PRR14L: variants seen among roughly 807,000 people sequenced by gnomAD.
PRR14L encodes protein PRR14L.
In PRR14L, 80 loss-of-function variants were observed where a neutral mutation model predicts 155.0. That is an observed-to-expected ratio of 0.52 (90% confidence interval 0.43 to 0.62). The LOEUF (loss-of-function observed/expected upper bound fraction) is 0.62. Ranked by LOEUF, PRR14L falls within the 20% of genes least tolerant of loss-of-function variation. The pLI, the probability that PRR14L is intolerant of heterozygous loss-of-function variation, is 0.00. For missense variants in PRR14L, 2,469 were observed against 2,548.0 expected, an observed-to-expected ratio of 0.97 and a Z score of 0.67; for synonymous variants, 883 against 916.0, an observed-to-expected ratio of 0.96 and a Z score of 0.65.
intron 1 of PRR14L, among the ~76,000 whole-genome samples, chr22:31,741,122 G>A (rs929017689): frequency 4.6e-5 from 7 of 151,868 alleles, no homozygotes; most frequent in Non-Finnish European, 1.0e-4. Flanking sequence ...GCATGATGGC[G>A]CGCGCCTGTG....
At position 31,716,776 on chromosome 22, in the gene PRR14L, T is replaced by C. The variant is rs753451778; in HGVS notation, c.1063A>G (p.Arg355Gly). The C allele has an allele frequency of 5.8e-6, 9 of 1,551,748 alleles. No individual in the cohort carries two copies. The South Asian group carries it at 9.5e-5, about 16-fold the overall frequency. The change falls in exon 4 of 9, where the codon AGA becomes GGA. Residue 355 changes from arginine (R) to glycine (G), a missense_variant. Arg to Gly is a moderately radical substitution (Grantham distance 125). Transcript: ENST00000327423. ...CCACAGTTTTCTAAGGATATTGTTCTGGATTCTGGACCAGACAAGTCTGAT... is the reference window on the plus strand; with the variant it reads ...CCACAGTTTTCTAAGGATATTGTTCCGGATTCTGGACCAGACAAGTCTGAT... ...FTSDLSGPESRTISLENCGFE... is the reference protein window; with the variant it reads ...FTSDLSGPESGTISLENCGFE...
intron 7 of PRR14L, among the ~76,000 whole-genome samples, chr22:31,693,740 G>C (rs563878168): frequency 1.3e-5 from 2 of 152,224 alleles, no homozygotes; most frequent in Admixed American, 6.5e-5. Flanking sequence ...TCTCTCCCTT[G>C]ATCATATTTT....
chr22:31,741,209 C>T (rs1427150770), intron 1 of PRR14L, among the ~76,000 whole-genome samples: 5 of 143,092 alleles, frequency 3.5e-5, no homozygotes, highest in East Asian at 2.1e-4. Context: ...GCCGAGATTG[C>T]GCCACTGCAC....
At chr22:31,725,478 G>A (rs760593696) in intron 3 of PRR14L, 60 bp downstream of exon 3, 36 of 1,122,736 alleles carry the variant, frequency 3.2e-5, no homozygotes, top group South Asian at 4.0e-5. Context: ...AAATGGAAGC[G>A]GAACTAAAAC....
At chr22:31,704,608 C>G in intron 5 of PRR14L, 47 bp downstream of exon 5, 1 of 1,500,402 alleles carries the variant, frequency 6.7e-7, no homozygotes, top group South Asian at 1.1e-5. Flanking sequence ...CTCTCTTGCA[C>G]ACACACACGC....
intron 2 of PRR14L, among the ~76,000 whole-genome samples, chr22:31,733,475 CT>C (rs1236904372): frequency 6.6e-6 from 1 of 150,720 alleles, no homozygotes; most frequent in Non-Finnish European, 1.5e-5. Flanking sequence ...CAGCTGATTT[CT>C]GTATTTTTAG....
At chr22:31,707,664 C>T (rs934986251) in intron 4 of PRR14L, among the ~76,000 whole-genome samples, 3 of 151,974 alleles carry the variant, frequency 2.0e-5, no homozygotes, top group Non-Finnish European at 2.9e-5. Context: ...GGATTACAGG[C>T]GTGAGCCACT....
intron 3 of PRR14L, among the ~76,000 whole-genome samples, chr22:31,723,359 T>A (rs1483239400): frequency 6.6e-6 from 1 of 152,160 alleles, no homozygotes; most frequent in Non-Finnish European, 1.5e-5. Context: ...ACCAGCTTCT[T>A]AGGTGGAGAG....
rs991682772 is a variant in PRR14L, at chr22:31,704,597, T to G, written c.5828+58A>C. On this transcript the variant is annotated intron_variant, in intron 5 of 8. Transcript: ENST00000327423. ...ATCCACACCACCTATGTATGCACTC[T>G]CTCTCTTGCACACACACACGCACAC... is the stretch of plus-strand genomic sequence containing the variant. 2.8e-6 allele frequency: 4 copies of G among 1,418,646 alleles called. No individual in the cohort carries two copies. The East Asian group carries it at 9.2e-5, about 33-fold the overall frequency. 87.9% of individuals were successfully genotyped at this position (1,418,646 alleles called of 1,614,324 possible).
At position 31,713,472 on chromosome 22, in the gene PRR14L, C is replaced by T. The variant is rs2074635684; in HGVS notation, c.4367G>A (p.Ser1456Asn). Residue 1456 changes from serine (S) to asparagine (N), a missense_variant, in exon 4 of 9, where the codon AGC (serine) becomes AAC (asparagine). Around this residue, in one of 2 missense-constraint regions of PRR14L, gnomAD observed 2,363 missense variants for 2,371.6 expected, o/e 1.00. Coordinates refer to ENST00000327423, the MANE Select transcript of PRR14L (RefSeq NM_173566.3). The part of the protein sequence containing the change: ...EITLAKLAKD[S>N]IVAQTQKLED... ...TAACTTCTGAGTCTGTGCCACAATGCTGTCCTTGGCCAGCTTTGCTAGGGT... is the reference window on the plus strand; with the variant it reads ...TAACTTCTGAGTCTGTGCCACAATGTTGTCCTTGGCCAGCTTTGCTAGGGT... 4 of 1,552,054 alleles carry T rather than the reference C, an allele frequency of 2.6e-6. No homozygotes were observed. In the South Asian group the frequency reaches 3.6e-5, roughly 14 times the overall value.
intron 6 of PRR14L, among the ~76,000 whole-genome samples, chr22:31,702,030 G>C (rs140067018): frequency 9.6e-4 from 146 of 152,144 alleles, no homozygotes; most frequent in Non-Finnish European, 2.0e-3. Flanking sequence ...GAACTCTTGG[G>C]CTCAACTGAT....
chr22:31,682,274 G>A lies in PRR14L; in HGVS notation c.*3253C>T, dbSNP rs2147848168. On this transcript the variant is annotated 3_prime_UTR_variant, in exon 9 of 9. Coordinates refer to ENST00000327423, the MANE Select transcript of PRR14L (RefSeq NM_173566.3). ...GGTTGGCTCTGGAGCCCGTGCCAAA[G>A]ACCCTTTCAGGCAAAATTGTGACAA... The A allele has an allele frequency of 6.6e-6, 1 of 152,294 alleles. No homozygotes were observed. The highest frequency in any genetic ancestry group is 2.1e-4 in the South Asian group (1 of 4,822). The allele number at this position is 152,294 out of a possible 1,614,324, so 9.4% of individuals were successfully genotyped here.
Position 31,713,718 on chromosome 22 carries a change from T to C in PRR14L, c.4121A>G (p.Gln1374Arg). ...GDGDPVSNIS[Q>R]THFKCRGILN... ...TATCCCCCGGCATTTAAAATGGGTC[T>C]GAGAGATGTTGCTCACGGGATCGCC... is the stretch of plus-strand genomic sequence containing the variant. The change falls in exon 4 of 9, where the codon CAG becomes CGG. Residue 1374 changes from glutamine to arginine, a missense_variant. Transcript: ENST00000327423. 1 of 1,552,392 alleles carries C rather than the reference T, an allele frequency of 6.4e-7. No homozygotes were observed. Among genetic ancestry groups the C allele is most frequent in the South Asian group, 1.2e-5 (1 of 84,064 alleles).
chr22:31,732,312 C>T (rs1203467177), intron 2 of PRR14L, among the ~76,000 whole-genome samples: 1 of 152,224 alleles, frequency 6.6e-6, no homozygotes, highest in Non-Finnish European at 1.5e-5. Flanking sequence ...CCTGCAGGGT[C>T]AGCCTTAGCT....
chr22:31,716,296 A>C lies in PRR14L; in HGVS notation c.1543T>G (p.Leu515Val). The change falls in exon 4 of 9, where the codon TTG (leucine) becomes GTG (valine). Residue 515 changes from leucine (L) to valine (V), a missense_variant. By Grantham distance (32) the Leu-to-Val change is conservative. Transcript: ENST00000327423. ...TGTCCTGCCTCTTCAATCTGCATCAAGGAGGAAAAACTGCTTTCTTCAGAG... is the reference window on the plus strand; with the variant it reads ...TGTCCTGCCTCTTCAATCTGCATCACGGAGGAAAAACTGCTTTCTTCAGAG... ...GHSEESSFSS[L>V]MQIEEAGQTT... The C allele has an allele frequency of 6.4e-7, 1 of 1,551,678 alleles. No individual in the cohort carries two copies. The highest frequency in any genetic ancestry group is 8.7e-7 in the Non-Finnish European group (1 of 1,146,976).
intron 1 of PRR14L, among the ~76,000 whole-genome samples, chr22:31,747,134 G>C (rs374430957): frequency 1.9e-4 from 26 of 138,382 alleles, no homozygotes; most frequent in African/African-American, 6.8e-4. Flanking sequence ...TTTTGAGACA[G>C]AGTTTCACTC....
chr22:31,685,465 AAC>A lies in PRR14L; in HGVS notation c.*60_*61del, dbSNP rs1254971094. ...CAAGGAGGTCCAAAAAAAAAAAAAA[AAC>A]CCAAAAACAAAACAAAACAAAAAAA... On this transcript the variant is annotated 3_prime_UTR_variant, in exon 9 of 9. Transcript: ENST00000327423. The A allele has an allele frequency of 6.9e-5, 95 of 1,378,994 alleles. No homozygotes were observed. The African/African-American group carries it at 1.3e-3, about 19-fold the overall frequency. 85.4% of individuals were successfully genotyped at this position (1,378,994 alleles called of 1,614,324 possible).
Position 31,715,203 on chromosome 22 carries a change from C to G in PRR14L, c.2636G>C (p.Gly879Ala), listed in dbSNP as rs1250191230. The G allele has an allele frequency of 3.2e-6, 5 of 1,552,206 alleles. No individual in the cohort carries two copies. In the South Asian group the frequency reaches 4.8e-5, roughly 15 times the overall value. The stretch of plus-strand genomic sequence containing the variant: ...GTTTGAAATTCCACTATTTAACAAG[C>G]CTGCTACCATTTTGTTTCTGATCTT... Reference protein sequence around the residue: ...GDKIRNKMVAGLLNSGISNKT... With the variant: ...GDKIRNKMVAALLNSGISNKT... Residue 879 changes from glycine to alanine, a missense_variant, in exon 4 of 9, where the codon GGC becomes GCC. This residue lies in a region of PRR14L where 2,363 missense variants were observed against 2,371.6 expected (regional missense o/e 1.00). Coordinates refer to ENST00000327423, the MANE Select transcript of PRR14L (RefSeq NM_173566.3).
intron 3 of PRR14L, 107 bp from the exon 4 acceptor site, chr22:31,717,398 A>T (rs2074666383): frequency 2.3e-6 from 2 of 873,208 alleles, no homozygotes; most frequent in African/African-American, 3.4e-5. Flanking sequence ...AGAAGACCCA[A>T]CTCAAAAAGA....
Sources: allele counts gnomAD v4.1 joint callset (sites outside exome capture counted in the v4.1 genomes callset), GRCh38; gene constraint gnomAD v4.1.1; regional missense constraint gnomAD v4.1.1; transcripts MANE v1.5; gene names NCBI Gene and HGNC (gene_info 2026-07-23, HGNC 2026-07-21).